GABRG3: variants seen among roughly 807,000 people sequenced by gnomAD.
The protein encoded by GABRG3 is gamma-aminobutyric acid type A receptor subunit gamma3, also known as gamma-aminobutyric acid receptor subunit gamma-3.
GABRG3 carries 25 observed loss-of-function variants against 48.8 expected under a neutral mutation model. The ratio of observed to expected loss-of-function variants is 0.51; its 90% CI spans 0.37 to 0.72. The LOEUF (loss-of-function observed/expected upper bound fraction) is 0.72. Among genes scored for constraint, GABRG3 ranks in the 30% least tolerant of loss-of-function variants. GABRG3 has a pLI of 0.00. For synonymous variants in GABRG3, 227 were observed against 217.6 expected (o/e 1.04, Z -0.38); for missense variants, 394 against 577.9 (o/e 0.68, Z 3.26).
chr15:27,388,290 A>G (rs1566818340), intron 5 of GABRG3, among the ~76,000 whole-genome samples: 15 of 42,582 alleles, frequency 3.5e-4, no homozygotes, highest in Admixed American at 1.3e-3. Context: ...GAAGGAAGGA[A>G]GAAAAGAAGG....
Position 26,976,946 on chromosome 15 carries a change from T to C in GABRG3, c.54-56T>C. On this transcript the variant is annotated intron_variant, in intron 1 of 9. Coordinates refer to ENST00000615808, the MANE Select transcript of GABRG3 (RefSeq NM_033223.5). This position sits in a 1 kb window ranked among gnomAD's most constrained non-coding sequence, Gnocchi z 7.8. ...GTACTTGGATAGGACAAACTTAGGCTCTTCCTAGAGCCATTGCTGCCACTT... is the reference window on the plus strand; with the variant it reads ...GTACTTGGATAGGACAAACTTAGGCCCTTCCTAGAGCCATTGCTGCCACTT... 1 of 1,599,160 alleles carries C rather than the reference T, an allele frequency of 6.3e-7. No individual in the cohort carries two copies. The highest frequency in any genetic ancestry group is 8.6e-7 in the Non-Finnish European group (1 of 1,168,640).
intron 5 of GABRG3, among the ~76,000 whole-genome samples, chr15:27,354,867 T>G (rs1436592396): frequency 6.6e-6 from 1 of 152,222 alleles, no homozygotes; most frequent in African/African-American, 2.4e-5. Flanking sequence ...CAGCACCACA[T>G]GCTCAGTACA....
chr15:27,036,659 C>T (rs971055440), intron 3 of GABRG3, among the ~76,000 whole-genome samples: 1 of 152,104 alleles, frequency 6.6e-6, no homozygotes, highest in African/African-American at 2.4e-5. Flanking sequence ...CATTACGCTG[C>T]AGGCTGGGCG....
chr15:27,080,141 G>C (rs1044791316), intron 3 of GABRG3, among the ~76,000 whole-genome samples: 1 of 152,068 alleles, frequency 6.6e-6, no homozygotes, highest in Non-Finnish European at 1.5e-5. Flanking sequence ...GTAGCAAGGG[G>C]CCATCTTGCT....
rs746938534 is a variant in GABRG3 at position 27,328,841 on chromosome 15, A to G, written c.527A>G (p.His176Arg). ...TINAECQLQLHNFPMDEHSCP... is the reference protein window; with the variant it reads ...TINAECQLQLRNFPMDEHSCP... The stretch of plus-strand genomic sequence containing the variant: ...AATGCTGAGTGCCAGCTGCAGCTGC[A>G]CAACTTCCCCATGGACGAACACTCC... The change falls in exon 5 of 10, where the codon CAC becomes CGC. Residue 176 changes from histidine (H) to arginine (R), a missense_variant. By Grantham distance (29) the His-to-Arg change is conservative. Transcript: ENST00000615808. The G allele has an allele frequency of 1.5e-5, 25 of 1,613,928 alleles. No individual in the cohort carries two copies. In the South Asian group the frequency reaches 2.6e-4, roughly 17 times the overall value.
At position 27,319,028 on chromosome 15, in the gene GABRG3, A is replaced by G. The variant is rs1893330027; in HGVS notation, c.271-7781A>G. On this transcript the variant is annotated intron_variant, in intron 3 of 9. Coordinates refer to ENST00000615808, the MANE Select transcript of GABRG3 (RefSeq NM_033223.5). This position sits in a 1 kb window ranked among gnomAD's most constrained non-coding sequence, Gnocchi z 4.4. ...CTGCTAACAATATTGTATACTTGTA[A>G]CTGGCTAAGAGGGTAGATCATAAAT... Among the ~76,000 whole-genome samples, 1 of 152,180 alleles carries G rather than the reference A, an allele frequency of 6.6e-6. No individual in the cohort carries two copies. The highest frequency in any genetic ancestry group is 6.5e-5 in the Admixed American group (1 of 15,270).
chr15:27,470,527 C>CT (rs112693265), intron 5 of GABRG3, among the ~76,000 whole-genome samples: 1,742 of 143,364 alleles, frequency 0.012, 16 homozygotes, highest in African/African-American at 0.032. Flanking sequence ...GGGTGTAATC[C>CT]TTTTTTTTTT....
At chr15:27,085,462 G>C (rs1897060675) in intron 3 of GABRG3, among the ~76,000 whole-genome samples, 1 of 152,122 alleles carries the variant, frequency 6.6e-6, no homozygotes. Context: ...TCTGGGATAT[G>C]TGCCTAGAAA....
chr15:27,523,169 T>C (rs1461609718), intron 7 of GABRG3, among the ~76,000 whole-genome samples: 1 of 151,876 alleles, frequency 6.6e-6, no homozygotes, highest in African/African-American at 2.4e-5. Context: ...TAAAGATTTC[T>C]CAGACCAGAA....
At chr15:27,256,682 T>G (rs1201538611) in intron 3 of GABRG3, among the ~76,000 whole-genome samples, 1 of 152,096 alleles carries the variant, frequency 6.6e-6, no homozygotes, top group Non-Finnish European at 1.5e-5. Context: ...TAACCCCAGG[T>G]TAGTTTTAAA....
intron 3 of GABRG3, among the ~76,000 whole-genome samples, chr15:27,085,570 C>T (rs1189789969): frequency 6.6e-6 from 1 of 152,142 alleles, no homozygotes; most frequent in African/African-American, 2.4e-5. Context: ...AAATTACTCC[C>T]ATCAACAGTG....
At chr15:27,484,872 T>G (rs1002744897) in intron 6 of GABRG3, among the ~76,000 whole-genome samples, 1 of 152,084 alleles carries the variant, frequency 6.6e-6, no homozygotes, top group Non-Finnish European at 1.5e-5. Flanking sequence ...AAGAATAAAA[T>G]AAATATCCAT....
intron 3 of GABRG3, among the ~76,000 whole-genome samples, chr15:27,080,186 T>G (rs1896969515): frequency 6.6e-6 from 1 of 152,160 alleles, no homozygotes; most frequent in African/African-American, 2.4e-5. Context: ...CATGGTGGCA[T>G]GCACCTGTAG....
chr15:27,076,929 T>C (rs1595509033), intron 3 of GABRG3, among the ~76,000 whole-genome samples: 1 of 152,222 alleles, frequency 6.6e-6, no homozygotes, highest in Non-Finnish European at 1.5e-5. Flanking sequence ...TATTTTGCCA[T>C]GGCAGCCACA....
rs1395863640 is a variant in GABRG3, at chr15:27,537,826, T to C, written c.*4945T>C. On this transcript the variant is annotated 3_prime_UTR_variant, in exon 10 of 10. Transcript: ENST00000615808. Reference sequence around the variant, plus strand: ...ATATTTATTTTTATTATTTATTTATTTATTTATTTATTTATTTATTTATTT... The same window carrying C: ...ATATTTATTTTTATTATTTATTTATCTATTTATTTATTTATTTATTTATTT... 1 of 130,240 alleles carries C rather than the reference T, an allele frequency of 7.7e-6. No homozygotes were observed. The highest frequency in any genetic ancestry group is 1.5e-5 in the Non-Finnish European group (1 of 65,242). The allele number at this position is 130,240 out of a possible 1,614,324, so 8.1% of individuals were successfully genotyped here.
At chr15:27,159,759 A>T (rs909637432) in intron 3 of GABRG3, among the ~76,000 whole-genome samples, 6 of 152,172 alleles carry the variant, frequency 3.9e-5, no homozygotes, top group African/African-American at 1.4e-4. Flanking sequence ...ACAATGTTAC[A>T]GTCATGTAAT....
intron 9 of GABRG3, among the ~76,000 whole-genome samples, chr15:27,528,875 A>G (rs1364124517): frequency 2.0e-5 from 3 of 152,148 alleles, no homozygotes; most frequent in Admixed American, 2.0e-4. Flanking sequence ...AGTCACATAT[A>G]GGATATATTC....
At chr15:27,380,803 T>C (rs1895746393) in intron 5 of GABRG3, among the ~76,000 whole-genome samples, 1 of 150,848 alleles carries the variant, frequency 6.6e-6, no homozygotes, top group Admixed American at 6.6e-5. Flanking sequence ...TCTCACTCTG[T>C]TGCCCAGGCT....
intron 2 of GABRG3, among the ~76,000 whole-genome samples, chr15:26,996,621 C>CTTATTTAT (rs147458553): frequency 0.042 from 6,311 of 149,888 alleles, 146 homozygotes; most frequent in Middle Eastern, 0.086. Context: ...TATATACTGG[C>CTTATTTAT]TTATTTATTT....
Sources: gnomAD v4.1 joint callset for allele counts (sites outside exome capture counted in the v4.1 genomes callset) on GRCh38, gnomAD v4.1.1 for gene constraint, Gnocchi (gnomAD v3.1) non-coding constraint, MANE v1.5 for transcripts, NCBI Gene and HGNC (gene_info 2026-07-23, HGNC 2026-07-21) for gene names.